Variants in TSPYL6 observed in about 807,000 individuals in gnomAD.
The protein encoded by TSPYL6 is TSPY like 6, also known as testis-specific Y-encoded-like protein 6.
For synonymous variants in TSPYL6, 259 were observed against 214.8 expected, an observed-to-expected ratio of 1.21 and a Z score of -1.80; for missense variants, 699 against 531.5, an observed-to-expected ratio of 1.32 and a Z score of -3.10.
rs1162759046 is a variant in TSPYL6, at chr2:54,253,840, G to C, written c.*1079C>G. The stretch of plus-strand genomic sequence containing the variant: ...GAAGAAAGGAGAATGGGCAATAAGA[G>C]GTCTGGCAGTCTATTTTACAGAACA... On this transcript the variant is annotated 3_prime_UTR_variant, in exon 1 of 1. Coordinates refer to ENST00000317802, the MANE Select transcript of TSPYL6 (RefSeq NM_001003937.3). 2.0e-5 allele frequency: 3 copies of C among 152,266 alleles called. No individual in the cohort carries two copies. Among genetic ancestry groups the C allele is most frequent in the Non-Finnish European group, 4.4e-5 (3 of 68,070 alleles). The allele number at this position is 152,266 out of a possible 1,614,324, so 9.4% of individuals were successfully genotyped here. A position where few individuals can be genotyped will look rare whatever the true frequency, so the allele number is the denominator to read the frequency against.
rs531572033 is a variant in TSPYL6 at position 54,255,154 on chromosome 2, C to T, written c.998G>A (p.Gly333Asp). ...ATGAATGAAGGACTGGGGTCCATGG[C>T]CCCGGCGCCACATGATTAGAGTGGA... ...SFSTLIMWRR[G>D]HGPQSFIHRN... The change falls in exon 1 of 1, where the codon GGC becomes GAC. Residue 333 changes from glycine (G) to aspartate (D), a missense_variant. By Grantham distance (94) the Gly-to-Asp change is moderately conservative. Transcript: ENST00000317802. The T allele has an allele frequency of 3.0e-5, 48 of 1,614,156 alleles. No individual in the cohort carries two copies. The South Asian group carries it at 5.3e-4, about 18-fold the overall frequency.
chr2:54,255,259 A>T lies in TSPYL6; in HGVS notation c.893T>A (p.Phe298Tyr). The change falls in exon 1 of 1, where the codon TTT (phenylalanine) becomes TAT (tyrosine). Residue 298 changes from phenylalanine to tyrosine, a missense_variant. Phe to Tyr is a conservative substitution (Grantham distance 22, BLOSUM62 3). Transcript: ENST00000317802. Reference sequence around the variant, plus strand: ...GTTTCTGAAGTAAGGGTTTCTTTGAAAGAAGAACTTAAACTTGCAGCCTGT... The same window carrying T: ...GTTTCTGAAGTAAGGGTTTCTTTGATAGAAGAACTTAAACTTGCAGCCTGT... ...PRTGCKFKFF[F>Y]QRNPYFRNKL... 1 of 1,614,140 alleles carries T rather than the reference A, an allele frequency of 6.2e-7. No individual in the cohort carries two copies. Among genetic ancestry groups the T allele is most frequent in the African/African-American group, 1.3e-5 (1 of 75,024 alleles).
In TSPYL6 at chr2:54,255,996, G is replaced by T; in HGVS notation, c.156C>A (p.Pro52=). The T allele has an allele frequency of 6.2e-7, 1 of 1,614,134 alleles. No homozygotes were observed. ...GRLEPIVFPP[P]RLPEEGVAPQ... The stretch of plus-strand genomic sequence containing the variant: ...GCGCGACCCCCTCCTCTGGAAGCCG[G>T]GGCGGTGGGAACACGATTGGCTCCA... Residue 52 remains proline, a synonymous_variant, in exon 1 of 1, where the codon CCC becomes CCA. Coordinates refer to ENST00000317802, the MANE Select transcript of TSPYL6 (RefSeq NM_001003937.3).
Position 54,255,309 on chromosome 2 carries a change from T to G in TSPYL6, c.843A>C (p.Glu281Asp), listed in dbSNP as rs751834376. The G allele has an allele frequency of 3.1e-6, 5 of 1,614,208 alleles. No individual in the cohort carries two copies. The highest frequency in any genetic ancestry group is 1.6e-4 in the Middle Eastern group (1 of 6,062). Residue 281 changes from glutamate (E) to aspartate (D), a missense_variant, in exon 1 of 1, where the codon GAA becomes GAC. Coordinates refer to ENST00000317802, the MANE Select transcript of TSPYL6 (RefSeq NM_001003937.3). ...AEMLSYLTNL[E>D]VKELRHPRTG... ...TCCTAGGGTGTCTGAGCTCCTTCAC[T>G]TCCAAATTGGTTAAGTAGCTTAACA...
Position 54,254,022 on chromosome 2 carries a change from A to C in TSPYL6, c.*897T>G, listed in dbSNP as rs1340697559. The stretch of plus-strand genomic sequence containing the variant: ...TGTACACTCACTCTGGCACTTCATT[A>C]GGTTCAGGAAGGGAGGCAAATAAAG... On this transcript the variant is annotated 3_prime_UTR_variant, in exon 1 of 1. Transcript: ENST00000317802. 1 of 152,208 alleles carries C rather than the reference A, an allele frequency of 6.6e-6. No individual in the cohort carries two copies. The highest frequency in any genetic ancestry group is 1.5e-5 in the Non-Finnish European group (1 of 68,032). The allele number at this position is 152,208 out of a possible 1,614,324, so 9.4% of individuals were successfully genotyped here.
chr2:54,255,368 G>T lies in TSPYL6; in HGVS notation c.784C>A (p.Leu262Met). The change falls in exon 1 of 1, where the codon CTG becomes ATG. Residue 262 changes from leucine (L) to methionine (M), a missense_variant. Leu to Met is a conservative substitution (Grantham distance 15). Transcript: ENST00000317802. ...WVTAFRHHPQLSAMIRGQDAE... is the reference protein window; with the variant it reads ...WVTAFRHHPQMSAMIRGQDAE... ...TCTTGGCCTCTAATCATGGCAGACA[G>T]CTGTGGGTGGTGGCGGAAAGCAGTG... The T allele has an allele frequency of 1.9e-6, 3 of 1,614,168 alleles. No individual in the cohort carries two copies. Among genetic ancestry groups the T allele is most frequent in the Non-Finnish European group, 2.5e-6 (3 of 1,180,032 alleles).
In TSPYL6 at chr2:54,255,301, T is replaced by A. The variant is rs374886342; in HGVS notation, c.851A>T (p.Glu284Val). 1.5e-5 allele frequency: 25 copies of A among 1,614,092 alleles called. No individual in the cohort carries two copies. In the African/African-American group the frequency reaches 2.7e-4, roughly 17 times the overall value. ...LSYLTNLEVK[E>V]LRHPRTGCKF... ...GCAGCCTGTCCTAGGGTGTCTGAGC[T>A]CCTTCACTTCCAAATTGGTTAAGTA... Residue 284 changes from glutamate to valine, a missense_variant, in exon 1 of 1, where the codon GAG (glutamate) becomes GTG (valine). By Grantham distance (121) the Glu-to-Val change is moderately radical (BLOSUM62 -2). Transcript: ENST00000317802.
In TSPYL6 at chr2:54,255,086, C is replaced by T. The variant is rs1465893390; in HGVS notation, c.1066G>A (p.Asp356Asn). The T allele has an allele frequency of 6.2e-7, 1 of 1,614,084 alleles. No homozygotes were observed. Among genetic ancestry groups the T allele is most frequent in the East Asian group, 2.2e-5 (1 of 44,866 alleles). Residue 356 changes from aspartate to asparagine, a missense_variant, in exon 1 of 1, where the codon GAC (aspartate) becomes AAC (asparagine). Asp to Asn is a conservative substitution (Grantham distance 23). Coordinates refer to ENST00000317802, the MANE Select transcript of TSPYL6 (RefSeq NM_001003937.3). ...VICSFFTWFS[D>N]HSLPESDRIA... is the part of the protein sequence containing the mutation. ...CTGTCGGACTCTGGAAGGCTGTGGTCTGAAAACCAGGTGAAGAAGCTGCAG... is the reference window on the plus strand; with the variant it reads ...CTGTCGGACTCTGGAAGGCTGTGGTTTGAAAACCAGGTGAAGAAGCTGCAG...
Position 54,256,023 on chromosome 2 carries a change from G to T in TSPYL6, c.129C>A (p.Arg43=). 2.5e-6 allele frequency: 4 copies of T among 1,614,178 alleles called. No individual in the cohort carries two copies. Among genetic ancestry groups the T allele is most frequent in the Non-Finnish European group, 3.4e-6 (4 of 1,180,030 alleles). The part of the protein sequence containing the change: ...TEVMADMFDG[R]LEPIVFPPPR... Reference sequence around the variant, plus strand: ...GCGGTGGGAACACGATTGGCTCCAAGCGGCCATCAAACATATCTGCCATTA... The same window carrying T: ...GCGGTGGGAACACGATTGGCTCCAATCGGCCATCAAACATATCTGCCATTA... Residue 43 remains arginine (R), a synonymous_variant, in exon 1 of 1, where the codon CGC becomes CGA. Coordinates refer to ENST00000317802, the MANE Select transcript of TSPYL6 (RefSeq NM_001003937.3).
At position 54,254,179 on chromosome 2, in the gene TSPYL6, T is replaced by C. The variant is rs1687369644; in HGVS notation, c.*740A>G. On this transcript the variant is annotated 3_prime_UTR_variant, in exon 1 of 1. Transcript: ENST00000317802. ...CCTCAACCACCTGTCTAACAAACAG[T>C]AGGGTTTCTGAGTGATGAGGGTGGT... 6.6e-6 allele frequency: 1 copy of C among 152,162 alleles called. No individual in the cohort carries two copies. Among genetic ancestry groups the C allele is most frequent in the Non-Finnish European group, 1.5e-5 (1 of 68,092 alleles). The allele number at this position is 152,162 out of a possible 1,614,324, so 9.4% of individuals were successfully genotyped here.
chr2:54,255,204 T>G lies in TSPYL6; in HGVS notation c.948A>C (p.Arg316Ser). 1 of 1,614,196 alleles carries G rather than the reference T, an allele frequency of 6.2e-7. No homozygotes were observed. Among genetic ancestry groups the G allele is most frequent in the South Asian group, 1.1e-5 (1 of 91,078 alleles). ...AAAAAGACACCACTTGGCCGAAGGA[T>G]CTGACCTCATACACCTTTACAATCA... ...NKLIVKVYEV[R>S]SFGQVVSFST... Residue 316 changes from arginine to serine, a missense_variant, in exon 1 of 1, where the codon AGA (arginine) becomes AGC (serine). Transcript: ENST00000317802.
At position 54,256,160 on chromosome 2, in the gene TSPYL6, C is replaced by A. The variant is rs1308888817; in HGVS notation, c.-9G>T. 1 of 1,605,392 alleles carries A rather than the reference C, an allele frequency of 6.2e-7. No homozygotes were observed. On this transcript the variant is annotated 5_prime_UTR_variant, in exon 1 of 1. Transcript: ENST00000317802. ...CTCTCCGGGAGGCTCATGTTGGTAG[C>A]GGCCAGGGCAGCAGTGGGTAGAGGC... is the stretch of plus-strand genomic sequence containing the variant.
Position 54,253,800 on chromosome 2 carries a change from G to A in TSPYL6, c.*1119C>T, listed in dbSNP as rs888292641. The A allele has an allele frequency of 6.6e-6, 1 of 152,256 alleles. No homozygotes were observed. 9.4% of individuals were successfully genotyped at this position (152,256 alleles called of 1,614,324 possible). A position where few individuals can be genotyped will look rare whatever the true frequency, so the allele number is the denominator to read the frequency against. ...TAAACCCTCTAGGAATTGCTAAAGA[G>A]GGGTGAGGGGCTGAGAAGAAAGGAG... On this transcript the variant is annotated 3_prime_UTR_variant, in exon 1 of 1. Coordinates refer to ENST00000317802, the MANE Select transcript of TSPYL6 (RefSeq NM_001003937.3).
chr2:54,255,254 T>C lies in TSPYL6; in HGVS notation c.898A>G (p.Arg300Gly), dbSNP rs1305985885. Residue 300 changes from arginine to glycine, a missense_variant, in exon 1 of 1, where the codon AGA (arginine) becomes GGA (glycine). Arg to Gly is a moderately radical substitution (Grantham distance 125, BLOSUM62 -2). Coordinates refer to ENST00000317802, the MANE Select transcript of TSPYL6 (RefSeq NM_001003937.3). ...AGCTTGTTTCTGAAGTAAGGGTTTC[T>C]TTGAAAGAAGAACTTAAACTTGCAG... ...TGCKFKFFFQ[R>G]NPYFRNKLIV... 14 of 1,614,106 alleles carry C rather than the reference T, an allele frequency of 8.7e-6. No individual in the cohort carries two copies. The highest frequency in any genetic ancestry group is 1.2e-5 in the Non-Finnish European group (14 of 1,180,056).
chr2:54,254,990 G>A lies in TSPYL6; in HGVS notation c.1162C>T (p.His388Tyr), dbSNP rs1207723378. 8 of 1,613,916 alleles carry A rather than the reference G, an allele frequency of 5.0e-6. No individual in the cohort carries two copies. Among genetic ancestry groups the A allele is most frequent in the Admixed American group, 1.7e-5 (1 of 60,002 alleles). Residue 388 changes from histidine to tyrosine, a missense_variant, in exon 1 of 1, where the codon CAT becomes TAT. By Grantham distance (83) the His-to-Tyr change is moderately conservative. Coordinates refer to ENST00000317802, the MANE Select transcript of TSPYL6 (RefSeq NM_001003937.3). ...LQYYLLGEDA[H>Y]RARRRLVREP... ...CTTACCAGGCGACGTCTAGCTCTAT[G>A]GGCGTCTTCACCCAACAGGTAGTAC...
rs1050813386 is a variant in TSPYL6 at position 54,254,034 on chromosome 2, G to A, written c.*885C>T. 5 of 152,156 alleles carry A rather than the reference G, an allele frequency of 3.3e-5. No individual in the cohort carries two copies. The highest frequency in any genetic ancestry group is 2.6e-4 in the Admixed American group (4 of 15,270). The allele number at this position is 152,156 out of a possible 1,614,324, so 9.4% of individuals were successfully genotyped here. On this transcript the variant is annotated 3_prime_UTR_variant, in exon 1 of 1. Transcript: ENST00000317802. ...CTGGCACTTCATTAGGTTCAGGAAG[G>A]GAGGCAAATAAAGGTACCTAGATTT...
At position 54,256,123 on chromosome 2, in the gene TSPYL6, G is replaced by T. The variant is rs540580273; in HGVS notation, c.29C>A (p.Pro10His). 1 of 1,613,912 alleles carries T rather than the reference G, an allele frequency of 6.2e-7. No individual in the cohort carries two copies. Among genetic ancestry groups the T allele is most frequent in the African/African-American group, 1.3e-5 (1 of 75,030 alleles). MSLPESPHSPATLDYALEDP... is the reference protein window; with the variant it reads MSLPESPHSHATLDYALEDP... ...TTCCAGAGCATAGTCGAGAGTAGCGGGGCTGTGAGGACTCTCCGGGAGGCT... is the reference window on the plus strand; with the variant it reads ...TTCCAGAGCATAGTCGAGAGTAGCGTGGCTGTGAGGACTCTCCGGGAGGCT... The change falls in exon 1 of 1, where the codon CCC (proline) becomes CAC (histidine). Residue 10 changes from proline (P) to histidine (H), a missense_variant. Pro to His is a moderately conservative substitution (Grantham distance 77, BLOSUM62 -2). Transcript: ENST00000317802.
chr2:54,256,013 T>C lies in TSPYL6; in HGVS notation c.139A>G (p.Ile47Val), dbSNP rs1687505890. Reference sequence around the variant, plus strand: ...GGAAGCCGGGGCGGTGGGAACACGATTGGCTCCAAGCGGCCATCAAACATA... The same window carrying C: ...GGAAGCCGGGGCGGTGGGAACACGACTGGCTCCAAGCGGCCATCAAACATA... The part of the protein sequence containing the change: ...ADMFDGRLEP[I>V]VFPPPRLPEE... The change falls in exon 1 of 1, where the codon ATC (isoleucine) becomes GTC (valine). Residue 47 changes from isoleucine to valine, a missense_variant. By Grantham distance (29) the Ile-to-Val change is conservative. Transcript: ENST00000317802. 1.2e-6 allele frequency: 2 copies of C among 1,614,146 alleles called. No homozygotes were observed. Among genetic ancestry groups the C allele is most frequent in the Non-Finnish European group, 1.7e-6 (2 of 1,180,004 alleles).
In TSPYL6 at chr2:54,255,922, G is replaced by A. The variant is rs868432733; in HGVS notation, c.230C>T (p.Ala77Val). Residue 77 changes from alanine to valine, a missense_variant, in exon 1 of 1, where the codon GCG becomes GTG. Transcript: ENST00000317802. The part of the protein sequence containing the change: ...GGHTFHILVD[A>V]GRSHGAIKAG... ...TTTGATGGCTCCATGACTGCGACCCGCATCGACCAAGATGTGGAAAGTATG... is the reference window on the plus strand; with the variant it reads ...TTTGATGGCTCCATGACTGCGACCCACATCGACCAAGATGTGGAAAGTATG... 3 of 1,613,928 alleles carry A rather than the reference G, an allele frequency of 1.9e-6. No homozygotes were observed. Among genetic ancestry groups the A allele is most frequent in the South Asian group, 1.1e-5 (1 of 91,082 alleles).
Sources: gnomAD v4.1 joint callset for allele counts on GRCh38, gnomAD v4.1.1 for gene constraint, MANE v1.5 for transcripts, NCBI Gene and HGNC (gene_info 2026-07-23, HGNC 2026-07-21) for gene names.